Variants in PSD3 observed in about 807,000 individuals in gnomAD.
PSD3 encodes PH and SEC7 domain-containing protein 3.
A neutral mutation model predicts 105.5 loss-of-function variants in PSD3; 49 were observed. The ratio of observed to expected loss-of-function variants is 0.46; its 90% CI spans 0.37 to 0.59. The LOEUF (loss-of-function observed/expected upper bound fraction) is 0.59, where lower values mean the gene tolerates loss of function less well. Among genes scored for constraint, PSD3 ranks in the 20% least tolerant of loss-of-function variants. The probability of loss-of-function intolerance (pLI) is 0.00; values close to 1 mark genes in which losing one functional copy is unlikely to be tolerated. For synonymous variants in PSD3, 557 were observed against 457.8 expected (o/e 1.22, Z -2.77); for missense variants, 1,561 against 1,263.8 (o/e 1.24, Z -3.57).
At chr8:18,918,497 T>G (rs987353627) in intron 2 of PSD3, among the ~76,000 whole-genome samples, 1 of 152,216 alleles carries the variant, frequency 6.6e-6, no homozygotes, top group African/African-American at 2.4e-5. Flanking sequence ...GCTTCATATT[T>G]CTACCTCTAG....
intron 9 of PSD3, among the ~76,000 whole-genome samples, chr8:18,663,642 T>C (rs540692776): frequency 1.3e-5 from 2 of 152,306 alleles, no homozygotes; most frequent in African/African-American, 2.4e-5. Context: ...GAACTGGCTG[T>C]TGTGTCTCAG....
intron 9 of PSD3, among the ~76,000 whole-genome samples, chr8:18,710,855 T>G (rs866632872): frequency 1.6e-4 from 24 of 152,136 alleles, no homozygotes; most frequent in African/African-American, 5.8e-4. Flanking sequence ...CTAATTTTTG[T>G]ATTTTTAGTA....
Position 19,005,483 on chromosome 8 carries a change from T to C in PSD3, c.21+8080A>G, listed in dbSNP as rs565364869. ...CTCATGGGTCTGGAATTTTTGGGGTTTTTTTGTTTTCTTTTGAGACAGGGT... is the reference window on the plus strand; with the variant it reads ...CTCATGGGTCTGGAATTTTTGGGGTCTTTTTGTTTTCTTTTGAGACAGGGT... On this transcript the variant is annotated intron_variant, in intron 1 of 15. Transcript: ENST00000327040. 4.0e-3 allele frequency among the ~76,000 whole-genome samples: 610 copies of C among 151,782 alleles called. 6 individuals carry two copies. The highest frequency in any genetic ancestry group is 0.014 in the African/African-American group (562 of 41,408).
intron 3 of PSD3, among the ~76,000 whole-genome samples, chr8:18,869,698 C>T (rs189641980): frequency 2.6e-5 from 4 of 152,326 alleles, no homozygotes; most frequent in African/African-American, 7.2e-5. Context: ...TCCATTTCCA[C>T]AGAAAAGCTT....
intron 2 of PSD3, among the ~76,000 whole-genome samples, chr8:18,876,327 C>G (rs1358390375): frequency 6.6e-6 from 1 of 152,170 alleles, no homozygotes; most frequent in African/African-American, 2.4e-5. Context: ...GTTGTTTCAA[C>G]TTGTTGGCTG....
At chr8:18,838,092 A>C (rs572759923) in intron 4 of PSD3, among the ~76,000 whole-genome samples, 1 of 152,374 alleles carries the variant, frequency 6.6e-6, no homozygotes, top group Admixed American at 6.5e-5. Context: ...CAAATGAATC[A>C]TATGGCTTAA....
At chr8:18,566,869 A>G (rs1026808830) in intron 14 of PSD3, among the ~76,000 whole-genome samples, 1 of 152,218 alleles carries the variant, frequency 6.6e-6, no homozygotes, top group African/African-American at 2.4e-5. Flanking sequence ...TTTTGGTTCC[A>G]GTGTAAGTCA....
At chr8:18,983,535 G>C (rs1441563112) in intron 1 of PSD3, among the ~76,000 whole-genome samples, 1 of 152,184 alleles carries the variant, frequency 6.6e-6, no homozygotes, top group East Asian at 1.9e-4. Flanking sequence ...TGAACACTTA[G>C]AGGCCATTAT....
At chr8:18,696,077 C>T (rs1397086879) in intron 9 of PSD3, among the ~76,000 whole-genome samples, 4 of 152,180 alleles carry the variant, frequency 2.6e-5, no homozygotes, top group African/African-American at 4.8e-5. Context: ...AGGTGCCTGG[C>T]CCAGGGTCAT....
rs1254666462 is a variant in PSD3, at chr8:18,698,151, T to C, written c.2173-42466A>G. On this transcript the variant is annotated intron_variant, in intron 9 of 15. Coordinates refer to ENST00000327040, the MANE Select transcript of PSD3 (RefSeq NM_015310.4). The stretch of plus-strand genomic sequence containing the variant: ...TCTCACTCTGTAGCCCAGGCTCAAG[T>C]GCAGTGGTGCGATCATAGCTCATTG... Among the ~76,000 whole-genome samples, 3 of 152,196 alleles carry C rather than the reference T, an allele frequency of 2.0e-5. No individual in the cohort carries two copies. The South Asian group carries it at 6.2e-4, about 32-fold the overall frequency.
chr8:18,755,567 A>G lies in PSD3; in HGVS notation c.2172+9882T>C, dbSNP rs1007767694. On this transcript the variant is annotated intron_variant, in intron 9 of 15. Transcript: ENST00000327040. ...TTCTGTAGCACTTCTTCATGATCAA[A>G]TTGAAAATAAATTTCAATATAAATT... Among the ~76,000 whole-genome samples, 4 of 152,178 alleles carry G rather than the reference A, an allele frequency of 2.6e-5. 1 individual carries two copies. The highest frequency in any genetic ancestry group is 9.7e-5 in the African/African-American group (4 of 41,446).
At chr8:18,631,953 G>A (rs1461628992) in intron 11 of PSD3, among the ~76,000 whole-genome samples, 1 of 151,898 alleles carries the variant, frequency 6.6e-6, no homozygotes, top group African/African-American at 2.4e-5. Context: ...ATTTCACTCT[G>A]CAAAGATTAT....
At chr8:18,702,540 G>C (rs1167686087) in intron 9 of PSD3, among the ~76,000 whole-genome samples, 1 of 152,032 alleles carries the variant, frequency 6.6e-6, no homozygotes, top group Admixed American at 6.6e-5. Context: ...GATATTCATC[G>C]CCTTAAACAT....
In PSD3 at chr8:18,967,854, C is replaced by T. The variant is rs554928544; in HGVS notation, c.22-31712G>A. On this transcript the variant is annotated intron_variant, in intron 1 of 15. Transcript: ENST00000327040. ...GACGGAAGATACAGGCTTCTCCCAA[C>T]ACAGACTTTTTCCAAGTGCTCAGAA... Among the ~76,000 whole-genome samples, 62 of 152,294 alleles carry T rather than the reference C, an allele frequency of 4.1e-4. No homozygotes were observed. In the South Asian group the frequency reaches 0.012, roughly 30 times the overall value.
intron 11 of PSD3, among the ~76,000 whole-genome samples, chr8:18,632,412 T>C (rs1806968034): frequency 6.6e-6 from 1 of 152,084 alleles, no homozygotes; most frequent in African/African-American, 2.4e-5. Context: ...TCTCCCTTTC[T>C]AAAGTTCTAT....
intron 11 of PSD3, among the ~76,000 whole-genome samples, chr8:18,631,199 CA>C: frequency 6.6e-6 from 1 of 151,856 alleles, no homozygotes; most frequent in Non-Finnish European, 1.5e-5. Context: ...CAATGTTTGG[CA>C]AAAGTATTAT....
chr8:18,585,756 T>A (rs1240274556), intron 12 of PSD3, among the ~76,000 whole-genome samples: 1 of 152,192 alleles, frequency 6.6e-6, no homozygotes, highest in East Asian at 1.9e-4. Context: ...GGTGTTTTCA[T>A]GTATTTAATC....
chr8:18,645,729 T>C (rs182454347), intron 10 of PSD3, among the ~76,000 whole-genome samples: 1 of 152,284 alleles, frequency 6.6e-6, no homozygotes, highest in Admixed American at 6.5e-5. Flanking sequence ...TTCTAGAATT[T>C]CAATGAGGTG....
intron 10 of PSD3, among the ~76,000 whole-genome samples, chr8:18,640,641 G>C (rs1017826841): frequency 1.3e-5 from 2 of 152,138 alleles, no homozygotes; most frequent in African/African-American, 2.4e-5. Flanking sequence ...GCGGAACTGT[G>C]AGTCAATTAA....
Sources: gnomAD v4.1 joint callset for allele counts (sites outside exome capture counted in the v4.1 genomes callset) on GRCh38, gnomAD v4.1.1 for gene constraint, MANE v1.5 for transcripts, NCBI Gene and HGNC (gene_info 2026-07-23, HGNC 2026-07-21) for gene names.